SDK1: variants seen among roughly 807,000 people sequenced by gnomAD.
The protein encoded by SDK1 is sidekick cell adhesion molecule 1, also known as protein sidekick-1.
Under a neutral mutation model 245.5 loss-of-function variants are expected in SDK1, and 157 were observed. The observed-to-expected ratio is 0.64, with a 90% CI of 0.56 to 0.73. SDK1 has a LOEUF of 0.73. Among genes scored for constraint, SDK1 ranks in the 30% least tolerant of loss-of-function variants. SDK1 has a pLI of 0.00. For missense variants in SDK1, 3,583 were observed against 3,002.3 expected (o/e 1.19, Z -4.52); for synonymous variants, 1,647 against 1,278.5 (o/e 1.29, Z -6.15).
intron 4 of SDK1, among the ~76,000 whole-genome samples, chr7:3,652,101 G>T (rs1484293683): frequency 6.6e-6 from 1 of 152,176 alleles, no homozygotes; most frequent in Non-Finnish European, 1.5e-5. Context: ...AGTAATTGGA[G>T]TGTTTAAATA....
chr7:4,041,095 G>C (rs1161745142), intron 17 of SDK1, among the ~76,000 whole-genome samples: 1 of 152,106 alleles, frequency 6.6e-6, no homozygotes, highest in Non-Finnish European at 1.5e-5. Context: ...TCCTGTGCCT[G>C]GTACAGACAA....
chr7:3,649,715 G>T (rs1235825426), intron 4 of SDK1, among the ~76,000 whole-genome samples: 1 of 152,162 alleles, frequency 6.6e-6, no homozygotes, highest in Non-Finnish European at 1.5e-5. Context: ...TGAGAACTAA[G>T]GCAGAGAGAG....
chr7:3,468,441 T>C (rs1299040100), intron 1 of SDK1, among the ~76,000 whole-genome samples: 1 of 152,154 alleles, frequency 6.6e-6, no homozygotes, highest in Non-Finnish European at 1.5e-5. Context: ...AACTAGAATT[T>C]GTCTTCCCCA....
At chr7:4,126,229 T>C (rs1562847854) in intron 25 of SDK1, among the ~76,000 whole-genome samples, 1 of 152,228 alleles carries the variant, frequency 6.6e-6, no homozygotes, top group Non-Finnish European at 1.5e-5. Context: ...GGTTTTCCTA[T>C]CTGAATGGTG....
At chr7:4,191,251 G>A (rs987548104) in intron 35 of SDK1, among the ~76,000 whole-genome samples, 4 of 151,600 alleles carry the variant, frequency 2.6e-5, no homozygotes, top group Middle Eastern at 3.2e-3. Flanking sequence ...GCCCTCCCCC[G>A]CCGCGGTCAC....
chr7:4,224,682 G>A (rs927755969), intron 40 of SDK1, among the ~76,000 whole-genome samples: 3 of 151,900 alleles, frequency 2.0e-5, no homozygotes, highest in Non-Finnish European at 2.9e-5. Context: ...CCAACAGATC[G>A]CCACAGGGAC....
At chr7:3,959,048 T>A in intron 8 of SDK1, 34 bp downstream of exon 8, 1 of 1,505,158 alleles carries the variant, frequency 6.6e-7, no homozygotes, top group East Asian at 2.3e-5. Context: ...CAAGGAGCCA[T>A]GACTGGGAGG....
intron 1 of SDK1, among the ~76,000 whole-genome samples, chr7:3,587,896 A>G (rs1780742605): frequency 1.3e-5 from 2 of 152,210 alleles, no homozygotes; most frequent in Admixed American, 1.3e-4. Context: ...AGCTGACACA[A>G]TTGCCTTCCA....
chr7:3,395,776 A>G (rs966180126), intron 1 of SDK1, among the ~76,000 whole-genome samples: 2 of 151,996 alleles, frequency 1.3e-5, no homozygotes, highest in South Asian at 2.1e-4. Context: ...TTGTTGGCGT[A>G]AAGTTGTTAA....
At chr7:3,449,874 C>G (rs79986337) in intron 1 of SDK1, among the ~76,000 whole-genome samples, 7,049 of 152,260 alleles carry the variant, frequency 0.046, 509 homozygotes, top group African/African-American at 0.15. Flanking sequence ...CTAGTGGACA[C>G]TCAGGTTACA....
chr7:4,027,565 A>G (rs1787455006), intron 17 of SDK1, among the ~76,000 whole-genome samples: 1 of 152,196 alleles, frequency 6.6e-6, no homozygotes, highest in Non-Finnish European at 1.5e-5. Context: ...TTTATTTGAC[A>G]TGTTGCAAAT....
chr7:3,732,097 T>A (rs1394933318), intron 4 of SDK1, among the ~76,000 whole-genome samples: 1 of 152,226 alleles, frequency 6.6e-6, no homozygotes, highest in Non-Finnish European at 1.5e-5. Context: ...GCAGTAATTT[T>A]ATTTTTAAGA....
chr7:3,425,079 A>G (rs545907230), intron 1 of SDK1, among the ~76,000 whole-genome samples: 7 of 149,980 alleles, frequency 4.7e-5, no homozygotes, highest in South Asian at 4.2e-4. Flanking sequence ...CTTGAGGCCT[A>G]TGTTTTTTCA....
intron 7 of SDK1, 61 bp from the exon 8 acceptor site, chr7:3,958,870 A>C (rs892642414): frequency 1.9e-5 from 25 of 1,301,346 alleles, no homozygotes; most frequent in Non-Finnish European, 2.6e-5. Context: ...ATCTTAGGTT[A>C]TATGGTCTCT....
At chr7:3,821,187 T>G (rs1779636458) in intron 4 of SDK1, among the ~76,000 whole-genome samples, 1 of 152,176 alleles carries the variant, frequency 6.6e-6, no homozygotes, top group Admixed American at 6.5e-5. Context: ...TCCAGAACAT[T>G]GTCTTCTTCA....
intron 4 of SDK1, among the ~76,000 whole-genome samples, chr7:3,797,718 A>G (rs1038587683): frequency 6.6e-6 from 1 of 152,132 alleles, no homozygotes; most frequent in Non-Finnish European, 1.5e-5. Flanking sequence ...ATTTTGCTGT[A>G]TGGCATGAGT....
chr7:3,498,965 C>G (rs933126681), intron 1 of SDK1, among the ~76,000 whole-genome samples: 1 of 152,114 alleles, frequency 6.6e-6, no homozygotes, highest in African/African-American at 2.4e-5. Context: ...CTGGCACTAA[C>G]TTTTATTGGT....
rs963383215 is a variant in SDK1 at position 4,178,385 on chromosome 7, G to A, written c.4997-100G>A. ...TCTAACAATCCCGCCTCCTCTCCTT[G>A]GAGGGTGCTCCTTGCTTCATTGTGG... On this transcript the variant is annotated intron_variant, in intron 34 of 44. Coordinates refer to ENST00000404826, the MANE Select transcript of SDK1 (RefSeq NM_152744.4). 1.3e-5 allele frequency: 11 copies of A among 846,116 alleles called. No individual in the cohort carries two copies. In the Admixed American group the frequency reaches 1.5e-4, roughly 11 times the overall value. 52.4% of individuals were successfully genotyped at this position (846,116 alleles called of 1,614,324 possible). A position where few individuals can be genotyped will look rare whatever the true frequency, so the allele number is the denominator to read the frequency against.
At chr7:3,992,033 C>G (rs983400656) in intron 14 of SDK1, among the ~76,000 whole-genome samples, 1 of 152,240 alleles carries the variant, frequency 6.6e-6, no homozygotes, top group Admixed American at 6.5e-5. Flanking sequence ...ATAGCGCCAT[C>G]TACTAGGTCT....
Sources: allele counts gnomAD v4.1 joint callset (sites outside exome capture counted in the v4.1 genomes callset), GRCh38; gene constraint gnomAD v4.1.1; transcripts MANE v1.5; gene names NCBI Gene and HGNC (gene_info 2026-07-23, HGNC 2026-07-21).